Variants in LIMA1 observed in about 807,000 individuals in gnomAD.
LIMA1 encodes the protein LIM domain and actin binding 1.
A neutral mutation model predicts 62.6 loss-of-function variants in LIMA1; 52 were observed. That is an observed-to-expected ratio of 0.83 (90% CI 0.67 to 1.05). LIMA1 has a LOEUF of 1.05. Ranked by LOEUF, LIMA1 falls within the 50% of genes least tolerant of loss-of-function variation. The pLI is 0.00. For synonymous variants in LIMA1, 302 were observed against 317.8 expected (o/e 0.95, Z 0.53); for missense variants, 780 against 902.2 (o/e 0.86, Z 1.74).
chr12:50,204,407 G>A lies in LIMA1; in HGVS notation c.864+145C>T, dbSNP rs555811444. ...CCATGGTAAGAACTGCAAATCCAGC[G>A]AGGGTAGGGTTCATGTGAAAAGAGA... On this transcript the variant is annotated intron_variant, in intron 6 of 10. Transcript: ENST00000341247. 3.6e-5 allele frequency: 32 copies of A among 887,600 alleles called. No homozygotes were observed. In the African/African-American group the frequency reaches 3.7e-4, roughly 10 times the overall value. The allele number at this position is 887,600 out of a possible 1,614,324, so 55.0% of individuals were successfully genotyped here. A position where few individuals can be genotyped will look rare whatever the true frequency, so the allele number is the denominator to read the frequency against.
At chr12:50,268,210 CCT>C (rs1291992956) in intron 1 of LIMA1, among the ~76,000 whole-genome samples, 1 of 152,142 alleles carries the variant, frequency 6.6e-6, no homozygotes, top group Non-Finnish European at 1.5e-5. Flanking sequence ...GACACCCACC[CCT>C]GACTGCTCAT....
At chr12:50,214,053 A>G (rs549139964) in intron 4 of LIMA1, among the ~76,000 whole-genome samples, 26 of 67,890 alleles carry the variant, frequency 3.8e-4, no homozygotes, top group Non-Finnish European at 5.9e-4. Flanking sequence ...CACACACACG[A>G]GATTACTCAG....
intron 4 of LIMA1, among the ~76,000 whole-genome samples, chr12:50,209,582 A>G (rs966958205): frequency 8.0e-6 from 1 of 125,500 alleles, no homozygotes; most frequent in Admixed American, 7.4e-5. Context: ...AAAAAAAAAA[A>G]AAAAAGAAAA....
chr12:50,209,583 A>AAG (rs1941217063), intron 4 of LIMA1, among the ~76,000 whole-genome samples: 1 of 125,702 alleles, frequency 8.0e-6, no homozygotes, highest in Admixed American at 7.4e-5. Context: ...AAAAAAAAAA[A>AAG]AAAAGAAAAA....
intron 1 of LIMA1, among the ~76,000 whole-genome samples, chr12:50,259,703 A>G (rs1942041494): frequency 6.6e-6 from 1 of 152,236 alleles, no homozygotes; most frequent in East Asian, 1.9e-4. Context: ...GGCATGTTAG[A>G]ATAATCACTG....
At chr12:50,234,204 G>T (rs1174423339) in intron 2 of LIMA1, 1 of 417,750 alleles carries the variant, frequency 2.4e-6, no homozygotes. Flanking sequence ...AGACCACCCA[G>T]AACAACCTTT....
intron 4 of LIMA1, among the ~76,000 whole-genome samples, chr12:50,211,215 T>G (rs367850958): frequency 6.7e-6 from 1 of 148,644 alleles, no homozygotes; most frequent in African/African-American, 2.5e-5. Flanking sequence ...CCCAGCTACT[T>G]GGGAGGCTGA....
intron 1 of LIMA1, among the ~76,000 whole-genome samples, chr12:50,281,569 T>G (rs567645307): frequency 1.8e-4 from 27 of 152,292 alleles, no homozygotes; most frequent in African/African-American, 6.5e-4. Flanking sequence ...GTTGCCAATA[T>G]ACTGTTCTCT....
At chr12:50,228,463 T>C (rs1941564504) in intron 3 of LIMA1, among the ~76,000 whole-genome samples, 1 of 152,178 alleles carries the variant, frequency 6.6e-6, no homozygotes, top group Non-Finnish European at 1.5e-5. Flanking sequence ...TAACTCCCCT[T>C]CTAGAAACAC....
At chr12:50,231,594 G>A (rs1941611783) in intron 3 of LIMA1, 71 bp downstream of exon 3, 1 of 1,357,630 alleles carries the variant, frequency 7.4e-7, no homozygotes, top group African/African-American at 1.4e-5. Context: ...GCCCCACAGA[G>A]GCTGCAGGTG....
chr12:50,204,450 G>A (rs2138483849), intron 6 of LIMA1, 102 bp downstream of exon 6: 1 of 1,298,986 alleles, frequency 7.7e-7, no homozygotes, highest in East Asian at 2.6e-5. Flanking sequence ...GGGGACCAGG[G>A]CTCAGATACA....
At chr12:50,192,335 A>G in intron 9 of LIMA1, 117 bp downstream of exon 9, 2 of 766,790 alleles carry the variant, frequency 2.6e-6, no homozygotes, top group South Asian at 3.1e-5. Flanking sequence ...CTTCTGTGGC[A>G]TTATCATCCA....
intron 1 of LIMA1, among the ~76,000 whole-genome samples, chr12:50,259,676 T>C (rs1350342681): frequency 6.6e-6 from 1 of 152,204 alleles, no homozygotes; most frequent in Non-Finnish European, 1.5e-5. Flanking sequence ...AGAAACATGA[T>C]GATAGACAAG....
At chr12:50,193,552 TATC>T (rs1188951110) in intron 8 of LIMA1, among the ~76,000 whole-genome samples, 1 of 134,692 alleles carries the variant, frequency 7.4e-6, no homozygotes, top group African/African-American at 3.0e-5. Flanking sequence ...TATACATATA[TATC>T]ATATATGTAT....
intron 2 of LIMA1, among the ~76,000 whole-genome samples, chr12:50,236,322 G>T (rs1277442255): frequency 2.8e-5 from 4 of 142,136 alleles, no homozygotes; most frequent in African/African-American, 1.1e-4. Flanking sequence ...TTTTGACATG[G>T]AGTCTCACTC....
chr12:50,219,339 G>A (rs1941403778), intron 4 of LIMA1, among the ~76,000 whole-genome samples: 1 of 151,814 alleles, frequency 6.6e-6, no homozygotes, highest in Non-Finnish European at 1.5e-5. Context: ...ACAAAAATTA[G>A]CTGGGCGTGG....
intron 1 of LIMA1, among the ~76,000 whole-genome samples, chr12:50,252,783 A>G (rs1490867434): frequency 6.6e-6 from 1 of 152,174 alleles, no homozygotes; most frequent in African/African-American, 2.4e-5. Flanking sequence ...CCACACCTGT[A>G]AGATAAGATC....
chr12:50,193,632 G>A (rs1305067167), intron 8 of LIMA1, among the ~76,000 whole-genome samples: 3 of 37,826 alleles, frequency 7.9e-5, no homozygotes, highest in African/African-American at 5.8e-4. Context: ...ATATATATAC[G>A]TGTGTGTGTG....
At chr12:50,236,903 A>G (rs1361711846) in intron 2 of LIMA1, among the ~76,000 whole-genome samples, 1 of 151,982 alleles carries the variant, frequency 6.6e-6, no homozygotes, top group Non-Finnish European at 1.5e-5. Context: ...TCATTGTACC[A>G]CCGAACTTCT....
Sources: allele counts gnomAD v4.1 joint callset (sites outside exome capture counted in the v4.1 genomes callset), GRCh38; gene constraint gnomAD v4.1.1; transcripts MANE v1.5; gene names NCBI Gene and HGNC (gene_info 2026-07-23, HGNC 2026-07-21).